CCDC60: variants seen among roughly 807,000 people sequenced by gnomAD.
CCDC60 encodes the protein coiled-coil domain-containing protein 60.
CCDC60 carries 54 observed loss-of-function variants against 63.5 expected under a neutral mutation model. That is an observed-to-expected ratio of 0.85 (90% confidence interval 0.68 to 1.07). CCDC60 has a LOEUF of 1.07. Among genes scored for constraint, CCDC60 ranks in the 50% least tolerant of loss-of-function variants. CCDC60 has a pLI of 0.00. For synonymous variants in CCDC60, 206 were observed against 238.8 expected (o/e 0.86, Z 1.27); for missense variants, 651 against 684.3 (o/e 0.95, Z 0.54).
chr12:119,528,869 T>A, intron 12 of CCDC60, 123 bp downstream of exon 12: 1 of 1,007,362 alleles, frequency 9.9e-7, no homozygotes, highest in Non-Finnish European at 1.4e-6. Flanking sequence ...AAACTGTCAT[T>A]GGCCATCAAC....
chr12:119,523,435 C>T (rs1026533000), intron 10 of CCDC60, among the ~76,000 whole-genome samples: 1 of 152,200 alleles, frequency 6.6e-6, no homozygotes, highest in African/African-American at 2.4e-5. Context: ...ATTTGCTGGG[C>T]TCCAGTGACC....
intron 6 of CCDC60, among the ~76,000 whole-genome samples, chr12:119,504,198 G>A (rs1566047320): frequency 6.6e-6 from 1 of 152,130 alleles, no homozygotes; most frequent in Non-Finnish European, 1.5e-5. Context: ...CTGAATTCTG[G>A]TTCTGCTATT....
chr12:119,430,434 AG>A (rs1439610702), intron 2 of CCDC60, among the ~76,000 whole-genome samples: 5 of 152,146 alleles, frequency 3.3e-5, no homozygotes, highest in Admixed American at 3.3e-4. Context: ...TGGGAGGCCA[AG>A]GCAGGCGGAT....
chr12:119,464,216 T>C (rs1336337201), intron 2 of CCDC60, among the ~76,000 whole-genome samples: 1 of 144,000 alleles, frequency 6.9e-6, no homozygotes, highest in Non-Finnish European at 1.5e-5. Context: ...ACTGAATCCA[T>C]AGCACACACA....
At chr12:119,535,297 TTC>T (rs1952970247) in intron 13 of CCDC60, among the ~76,000 whole-genome samples, 1 of 152,358 alleles carries the variant, frequency 6.6e-6, no homozygotes, top group East Asian at 1.9e-4. Flanking sequence ...TATTTGATTC[TTC>T]TCTCTTTTCT....
At chr12:119,470,742 G>C (rs2136324646) in intron 2 of CCDC60, among the ~76,000 whole-genome samples, 1 of 152,206 alleles carries the variant, frequency 6.6e-6, no homozygotes, top group Admixed American at 6.5e-5. Context: ...GAGGTCTTCA[G>C]CCTCCCCCTA....
At chr12:119,445,433 C>CAAAAA (rs58415660) in intron 2 of CCDC60, among the ~76,000 whole-genome samples, 3 of 27,184 alleles carry the variant, frequency 1.1e-4, no homozygotes, top group Admixed American at 5.8e-4. Context: ...GACTCCATCT[C>CAAAAA]AAAAAAAAAA....
At chr12:119,513,230 A>G (rs1952259787) in intron 7 of CCDC60, among the ~76,000 whole-genome samples, 1 of 152,068 alleles carries the variant, frequency 6.6e-6, no homozygotes, top group Non-Finnish European at 1.5e-5. Flanking sequence ...CCACTCTCCC[A>G]CTTTTCTTGA....
chr12:119,428,583 C>G (rs1282521894), intron 1 of CCDC60, 100 bp from the exon 2 acceptor site: 2 of 756,622 alleles, frequency 2.6e-6, no homozygotes. Flanking sequence ...TTAAACCTAG[C>G]CATACATCTC....
At chr12:119,378,465 C>A (rs1955976799) in intron 1 of CCDC60, among the ~76,000 whole-genome samples, 1 of 152,206 alleles carries the variant, frequency 6.6e-6, no homozygotes, top group Non-Finnish European at 1.5e-5. Flanking sequence ...TAAATAATTT[C>A]TTTCTAGCTC....
intron 1 of CCDC60, among the ~76,000 whole-genome samples, chr12:119,425,699 C>T (rs1788255192): frequency 6.6e-6 from 1 of 152,178 alleles, no homozygotes. Flanking sequence ...GCAAGCAACT[C>T]GCAGGGGCTC....
intron 1 of CCDC60, among the ~76,000 whole-genome samples, chr12:119,399,528 G>A (rs953052604): frequency 2.0e-5 from 3 of 152,154 alleles, no homozygotes; most frequent in Non-Finnish European, 2.9e-5. Context: ...CCAACAGTGC[G>A]TGTCGGGTGC....
chr12:119,372,168 G>A (rs909387034), intron 1 of CCDC60, among the ~76,000 whole-genome samples: 71 of 152,138 alleles, frequency 4.7e-4, no homozygotes, highest in Admixed American at 4.6e-3. Flanking sequence ...GCTGAGGCAG[G>A]AGAATTGCTT....
intron 3 of CCDC60, among the ~76,000 whole-genome samples, chr12:119,478,329 T>C (rs1261062904): frequency 2.0e-5 from 3 of 149,864 alleles, no homozygotes; most frequent in Non-Finnish European, 4.4e-5. Flanking sequence ...ACAAACTATA[T>C]ATATCATATG....
chr12:119,506,438 C>CAAAAAA (rs35584778), intron 7 of CCDC60, among the ~76,000 whole-genome samples: 1 of 87,390 alleles, frequency 1.1e-5, no homozygotes, highest in African/African-American at 4.3e-5. Flanking sequence ...CCTCATCTCT[C>CAAAAAA]AAAAAAAAAA....
chr12:119,463,111 G>A (rs1237406681), intron 2 of CCDC60, among the ~76,000 whole-genome samples: 1 of 152,122 alleles, frequency 6.6e-6, no homozygotes, highest in African/African-American at 2.4e-5. Flanking sequence ...AGCATGAGCT[G>A]CCACGCCTAG....
intron 6 of CCDC60, among the ~76,000 whole-genome samples, chr12:119,500,683 G>A (rs984849255): frequency 1.3e-5 from 2 of 151,970 alleles, no homozygotes; most frequent in Admixed American, 6.6e-5. Flanking sequence ...GCAAGACCCC[G>A]TCTTCACAAA....
At chr12:119,346,347 C>G (rs188974650) in intron 1 of CCDC60, among the ~76,000 whole-genome samples, 7 of 152,178 alleles carry the variant, frequency 4.6e-5, no homozygotes, top group Admixed American at 3.3e-4. Context: ...GACATCTAAC[C>G]TCTACTTGTA....
chr12:119,408,624 C>A (rs1380940285), intron 1 of CCDC60, among the ~76,000 whole-genome samples: 1 of 152,136 alleles, frequency 6.6e-6, no homozygotes, highest in African/African-American at 2.4e-5. Flanking sequence ...GAGATCGAAA[C>A]CATCCTGGCT....
Sources: gnomAD v4.1 joint callset for allele counts (sites outside exome capture counted in the v4.1 genomes callset) on GRCh38, gnomAD v4.1.1 for gene constraint, MANE v1.5 for transcripts, NCBI Gene and HGNC (gene_info 2026-07-23, HGNC 2026-07-21) for gene names.